Variants in WBP4 observed in about 807,000 individuals in gnomAD.
WBP4 encodes WW domain binding protein 4, also known as WW domain-binding protein 4.
A neutral mutation model predicts 55.4 loss-of-function variants in WBP4; 37 were observed. The observed-to-expected ratio is 0.67, with a 90% CI of 0.51 to 0.88. The LOEUF is 0.88. Ranked by LOEUF, WBP4 falls within the 40% of genes least tolerant of loss-of-function variation. The probability of loss-of-function intolerance (pLI) is 0.00; values close to 1 mark genes in which losing one functional copy is unlikely to be tolerated. For missense variants in WBP4, 398 were observed against 420.8 expected (o/e 0.95, Z 0.47); for synonymous variants, 142 against 140.2 (o/e 1.01, Z -0.09).
rs564343552 is a variant in WBP4, at chr13:41,079,536, C to A, written c.757-1110C>A. ...CAGCCTGGGTGACAGAGCAAGACTC[C>A]GTCTCAAAAAAAAAAAAAAAAAAAA... On this transcript the variant is annotated intron_variant, in intron 8 of 9. Transcript: ENST00000379487. Among the ~76,000 whole-genome samples the A allele has an allele frequency of 5.8e-4, 65 of 111,320 alleles. No individual in the cohort carries two copies. The East Asian group carries it at 0.013, about 22-fold the overall frequency. 73.0% of individuals were successfully genotyped at this position (111,320 alleles called of 152,430 possible).
Position 41,082,862 on chromosome 13 carries a change from G to T in WBP4, c.1079G>T (p.Arg360Ile). ...GTGGCCCCAGTCTTCAAAAAGAGAAGAACTGAAAATGGAAAATCTAGAAAT... is the reference window on the plus strand; with the variant it reads ...GTGGCCCCAGTCTTCAAAAAGAGAATAACTGAAAATGGAAAATCTAGAAAT... ...DGVAPVFKKRRTENGKSRNLR... is the reference protein window; with the variant it reads ...DGVAPVFKKRITENGKSRNLR... The change falls in exon 10 of 10, where the codon AGA becomes ATA. Residue 360 changes from arginine to isoleucine, a missense_variant. Physicochemically the swap from Arg to Ile is moderately conservative, Grantham distance 97. Coordinates refer to ENST00000379487, the MANE Select transcript of WBP4 (RefSeq NM_007187.5). 1 of 1,614,018 alleles carries T rather than the reference G, an allele frequency of 6.2e-7. No individual in the cohort carries two copies. Among genetic ancestry groups the T allele is most frequent in the East Asian group, 2.2e-5 (1 of 44,866 alleles).
intron 7 of WBP4, among the ~76,000 whole-genome samples, chr13:41,075,657 A>G (rs1348193832): frequency 6.6e-6 from 1 of 152,206 alleles, no homozygotes; most frequent in African/African-American, 2.4e-5. Context: ...TTGGAATTAC[A>G]AGCATAAGCC....
At chr13:41,063,261 C>T (rs946125701) in intron 2 of WBP4, among the ~76,000 whole-genome samples, 5 of 152,148 alleles carry the variant, frequency 3.3e-5, no homozygotes. Context: ...AAGCAAAAAG[C>T]ACACCGCTGA....
At chr13:41,069,576 G>A (rs1410503244) in intron 5 of WBP4, among the ~76,000 whole-genome samples, 1 of 151,616 alleles carries the variant, frequency 6.6e-6, no homozygotes, top group African/African-American at 2.4e-5. Flanking sequence ...GCAGGAGAAT[G>A]GCGTGAACCC....
At chr13:41,061,740 G>C (rs1158244486) in intron 1 of WBP4, 65 bp downstream of exon 1, 9 of 1,608,978 alleles carry the variant, frequency 5.6e-6, no homozygotes, top group Non-Finnish European at 6.8e-6. Context: ...TTCTCGCCCG[G>C]GTCTTCCCCT....
In WBP4 at chr13:41,071,564, C is replaced by G. The variant is rs763934455; in HGVS notation, c.477C>G (p.Asp159Glu). Residue 159 changes from aspartate (D) to glutamate (E), a missense_variant, in exon 6 of 10, where the codon GAC becomes GAG. Transcript: ENST00000379487. ...AGAAACCTGAAGGATTTCAAGGAGACTTAAAAAAGGTAATTGAAGCATATT... is the reference window on the plus strand; with the variant it reads ...AGAAACCTGAAGGATTTCAAGGAGAGTTAAAAAAGGTAATTGAAGCATATT... ...QWEKPEGFQGDLKKTAVKTVW... is the reference protein window; with the variant it reads ...QWEKPEGFQGELKKTAVKTVW... The G allele has an allele frequency of 6.2e-7, 1 of 1,607,902 alleles. No individual in the cohort carries two copies. Among genetic ancestry groups the G allele is most frequent in the South Asian group, 1.1e-5 (1 of 89,650 alleles).
chr13:41,076,268 A>ATTTT, intron 8 of WBP4, 31 bp downstream of exon 8: 2 of 1,321,328 alleles, frequency 1.5e-6, no homozygotes, highest in East Asian at 6.0e-5. Flanking sequence ...CTTCACATCA[A>ATTTT]ATTTTTTTTT....
In WBP4 at chr13:41,073,664, C is replaced by T. The variant is rs143924385; in HGVS notation, c.562+807C>T. On this transcript the variant is annotated intron_variant, in intron 7 of 9. Transcript: ENST00000379487. Reference sequence around the variant, plus strand: ...ACCCCTTCTCTACTAAAAAATTACCCGGGCGTGGTGGTGGGCACCTGTAGT... The same window carrying T: ...ACCCCTTCTCTACTAAAAAATTACCTGGGCGTGGTGGTGGGCACCTGTAGT... Among the ~76,000 whole-genome samples, 744 of 152,032 alleles carry T rather than the reference C, an allele frequency of 4.9e-3. 3 individuals are homozygous for T. The highest frequency in any genetic ancestry group is 0.017 in the African/African-American group (698 of 41,484).
chr13:41,069,903 A>G (rs1261990639), intron 5 of WBP4, among the ~76,000 whole-genome samples: 1 of 151,770 alleles, frequency 6.6e-6, no homozygotes, highest in Non-Finnish European at 1.5e-5. Flanking sequence ...GAAAAAAAAA[A>G]TACACAGTGT....
chr13:41,068,819 C>T, intron 5 of WBP4, 82 bp downstream of exon 5: 1 of 1,369,006 alleles, frequency 7.3e-7, no homozygotes, highest in Non-Finnish European at 9.6e-7. Context: ...GGATTTTTAT[C>T]TAATGTTGGA....
intron 8 of WBP4, among the ~76,000 whole-genome samples, chr13:41,079,972 A>G (rs951095990): frequency 6.6e-6 from 1 of 152,052 alleles, no homozygotes; most frequent in Non-Finnish European, 1.5e-5. Context: ...CTCAAAGTCA[A>G]ATACTACATG....
chr13:41,070,678 A>G (rs1441982957), intron 5 of WBP4, among the ~76,000 whole-genome samples: 1 of 152,130 alleles, frequency 6.6e-6, no homozygotes, highest in African/African-American at 2.4e-5. Context: ...GGATGTAGAT[A>G]ATATGTTAGC....
chr13:41,062,236 G>A (rs888902849), intron 1 of WBP4: 67 of 982,180 alleles, frequency 6.8e-5, no homozygotes, highest in Non-Finnish European at 8.0e-5. Flanking sequence ...CCCCAGAGTA[G>A]TCTTGTACGT....
intron 1 of WBP4, chr13:41,062,037 A>G (rs1399493795): frequency 3.1e-6 from 3 of 963,518 alleles, no homozygotes; most frequent in African/African-American, 1.9e-5. Context: ...TTGTGAAACT[A>G]GGGCTGGGCT....
intron 4 of WBP4, among the ~76,000 whole-genome samples, chr13:41,067,751 TG>T (rs1426719619): frequency 6.6e-6 from 1 of 152,254 alleles, no homozygotes; most frequent in Non-Finnish European, 1.5e-5. Flanking sequence ...ATGTTTGATT[TG>T]TAAAGGATCT....
chr13:41,065,182 G>T lies in WBP4; in HGVS notation c.157G>T (p.Asp53Tyr). 1 of 1,611,450 alleles carries T rather than the reference G, an allele frequency of 6.2e-7. No individual in the cohort carries two copies. Among genetic ancestry groups the T allele is most frequent in the Non-Finnish European group, 8.5e-7 (1 of 1,179,068 alleles). The change falls in exon 4 of 10, where the codon GAT (aspartate) becomes TAT (tyrosine). Residue 53 changes from aspartate (D) to tyrosine (Y), a missense_variant. Physicochemically the swap from Asp to Tyr is radical, Grantham distance 160. Transcript: ENST00000379487. ...TACATAGATTAAACAGAAAAGCCTG[G>T]ATAAGGCAAAGGAAGAAGAAAAGGC... Reference protein sequence around the residue: ...RISEIKQKSLDKAKEEEKASK... With the variant: ...RISEIKQKSLYKAKEEEKASK...
At chr13:41,078,881 A>G (rs960768426) in intron 8 of WBP4, among the ~76,000 whole-genome samples, 2 of 152,156 alleles carry the variant, frequency 1.3e-5, no homozygotes, top group Non-Finnish European at 2.9e-5. Context: ...TCTAGGAAAA[A>G]CTCATCTGGT....
At chr13:41,080,076 G>T (rs1243474642) in intron 8 of WBP4, among the ~76,000 whole-genome samples, 1 of 147,560 alleles carries the variant, frequency 6.8e-6, no homozygotes, top group Non-Finnish European at 1.5e-5. Flanking sequence ...GGGAGGGTGG[G>T]AGGGAGGTGA....
chr13:41,079,334 G>C (rs1172132052), intron 8 of WBP4, among the ~76,000 whole-genome samples: 2 of 152,096 alleles, frequency 1.3e-5, no homozygotes, highest in African/African-American at 4.8e-5. Flanking sequence ...ACTTTGGGAG[G>C]CTGAGGCTGG....
Sources: allele counts gnomAD v4.1 joint callset (sites outside exome capture counted in the v4.1 genomes callset), GRCh38; gene constraint gnomAD v4.1.1; transcripts MANE v1.5; gene names NCBI Gene and HGNC (gene_info 2026-07-23, HGNC 2026-07-21).